The following NEBL variants were observed in gnomAD, a reference collection of about 807,000 sequenced individuals.
The protein encoded by NEBL is nebulette.
Under a neutral mutation model 140.2 loss-of-function variants are expected in NEBL, and 122 were observed. That is an observed-to-expected ratio of 0.87 (90% CI 0.75 to 1.01). NEBL has a LOEUF of 1.01. Among genes scored for constraint, NEBL ranks in the 50% least tolerant of loss-of-function variants. The pLI, the probability that NEBL is intolerant of heterozygous loss-of-function variation, is 0.00. For synonymous variants in NEBL, 436 were observed against 398.9 expected (o/e 1.09, Z -1.11); for missense variants, 1,365 against 1,231.3 (o/e 1.11, Z -1.62).
At chr10:21,183,932 C>A (rs1457571101) in intron 3 of NEBL, among the ~76,000 whole-genome samples, 4 of 152,124 alleles carry the variant, frequency 2.6e-5, no homozygotes, top group Non-Finnish European at 5.9e-5. Context: ...AGTTTCTTTG[C>A]ACAAGCTCTC....
chr10:20,946,468 T>G (rs1835165954), intron 4 of NEBL, among the ~76,000 whole-genome samples: 1 of 152,086 alleles, frequency 6.6e-6, no homozygotes, highest in Admixed American at 6.6e-5. Context: ...TTTTTGTTTG[T>G]TTGTTGGTTT....
rs534522980 is a variant in NEBL at position 21,121,028 on chromosome 10, G to C, written c.164+51355C>G. Among the ~76,000 whole-genome samples the C allele has an allele frequency of 2.0e-5, 3 of 152,258 alleles. No individual in the cohort carries two copies. The South Asian group carries it at 6.2e-4, about 32-fold the overall frequency. On this transcript the variant is annotated intron_variant, in intron 2 of 6. Coordinates refer to the NEBL transcript ENST00000417816. Reference sequence around the variant, plus strand: ...TCTGACTTCCTCCCTGGAGTAGAGAGGAGGCATCTGAAAACATCACACTGG... The same window carrying C: ...TCTGACTTCCTCCCTGGAGTAGAGACGAGGCATCTGAAAACATCACACTGG...
chr10:21,005,504 A>AC (rs1838100243), intron 3 of NEBL, among the ~76,000 whole-genome samples: 1 of 144,910 alleles, frequency 6.9e-6, no homozygotes, highest in African/African-American at 2.7e-5. Context: ...CAAGGTCAAG[A>AC]TGGGGGGATC....
intron 3 of NEBL, among the ~76,000 whole-genome samples, chr10:21,017,271 T>G (rs1348311193): frequency 1.3e-5 from 2 of 152,184 alleles, no homozygotes; most frequent in African/African-American, 4.8e-5. Flanking sequence ...ACAGCAACAC[T>G]GTTGATGATG....
At chr10:21,261,155 G>C (rs1040700844) in intron 1 of NEBL, among the ~76,000 whole-genome samples, 5 of 152,132 alleles carry the variant, frequency 3.3e-5, no homozygotes, top group Non-Finnish European at 5.9e-5. Context: ...ACACACCCCA[G>C]GGAAATGGTG....
intron 2 of NEBL, among the ~76,000 whole-genome samples, chr10:21,097,525 G>A (rs954186406): frequency 6.6e-6 from 1 of 152,136 alleles, no homozygotes; most frequent in Admixed American, 6.6e-5. Context: ...TATAGCAATA[G>A]GCTGACCTCC....
intron 2 of NEBL, among the ~76,000 whole-genome samples, chr10:21,035,772 C>A (rs1220293718): frequency 6.6e-6 from 1 of 152,096 alleles, no homozygotes; most frequent in African/African-American, 2.4e-5. Flanking sequence ...AATGGCAAAC[C>A]TCCCACCCAA....
chr10:20,912,859 T>C (rs1485956590), intron 4 of NEBL, among the ~76,000 whole-genome samples: 1 of 150,690 alleles, frequency 6.6e-6, no homozygotes, highest in Admixed American at 6.6e-5. Flanking sequence ...TTGTTCCTCA[T>C]GGGGGCCATA....
intron 1 of NEBL, among the ~76,000 whole-genome samples, chr10:21,270,510 G>T (rs781501773): frequency 1.3e-5 from 2 of 152,014 alleles, no homozygotes; most frequent in Non-Finnish European, 1.5e-5. Flanking sequence ...GGGATTACAG[G>T]TGTGCGCCAC....
intron 2 of NEBL, among the ~76,000 whole-genome samples, chr10:21,103,354 C>A (rs961396931): frequency 6.6e-6 from 1 of 152,038 alleles, no homozygotes; most frequent in African/African-American, 2.4e-5. Context: ...GCTGGAACTA[C>A]AGGCACCCGC....
intron 3 of NEBL, among the ~76,000 whole-genome samples, chr10:20,980,236 A>G (rs1317441755): frequency 6.6e-6 from 1 of 152,144 alleles, no homozygotes; most frequent in Non-Finnish European, 1.5e-5. Flanking sequence ...AAATGTCATC[A>G]GTGAATGGGC....
At chr10:20,902,296 C>T (rs1847907245), upstream of NEBL, among the ~76,000 whole-genome samples, 1 of 151,932 alleles carries the variant, frequency 6.6e-6, no homozygotes, top group African/African-American at 2.4e-5. Flanking sequence ...GTCCCAGCTA[C>T]TCGGGAGGCT....
chr10:21,091,908 C>T lies in NEBL; in HGVS notation c.165-71707G>A, dbSNP rs548092066. ...CAGCCTCTCAAAATGCTGGGATTACCGGCAAGAGCCACCACGCCCACCTTG... is the reference window on the plus strand; with the variant it reads ...CAGCCTCTCAAAATGCTGGGATTACTGGCAAGAGCCACCACGCCCACCTTG... On this transcript the variant is annotated intron_variant, in intron 2 of 6. Coordinates refer to the NEBL transcript ENST00000417816. Among the ~76,000 whole-genome samples, 73 of 152,298 alleles carry T rather than the reference C, an allele frequency of 4.8e-4. No individual in the cohort carries two copies. In the Middle Eastern group the frequency reaches 0.01, roughly 21 times the overall value.
intron 2 of NEBL, among the ~76,000 whole-genome samples, chr10:21,098,773 C>T (rs929843802): frequency 1.3e-5 from 2 of 152,206 alleles, no homozygotes; most frequent in African/African-American, 4.8e-5. Flanking sequence ...AGCTTTCCCC[C>T]ATGGCCTCTC....
intron 3 of NEBL, among the ~76,000 whole-genome samples, chr10:21,214,709 T>G (rs1564543866): frequency 6.6e-6 from 1 of 152,200 alleles, no homozygotes; most frequent in Non-Finnish European, 1.5e-5. Context: ...TTTTAACTGC[T>G]AATTCATGGT....
At chr10:21,162,037 G>A (rs1840579501) in intron 2 of NEBL, among the ~76,000 whole-genome samples, 1 of 152,188 alleles carries the variant, frequency 6.6e-6, no homozygotes, top group African/African-American at 2.4e-5. Context: ...AAGAGAGGGG[G>A]CTGGAGATTG....
At chr10:20,903,608 A>G (rs954694346) in intron 4 of NEBL, among the ~76,000 whole-genome samples, 2 of 152,208 alleles carry the variant, frequency 1.3e-5, no homozygotes, top group Non-Finnish European at 2.9e-5. Context: ...AAGGATACGG[A>G]ACCAGACTCA....
chr10:20,967,401 G>C (rs1221383768), intron 3 of NEBL, among the ~76,000 whole-genome samples: 1 of 152,226 alleles, frequency 6.6e-6, no homozygotes, highest in Non-Finnish European at 1.5e-5. Context: ...GCCGGGGCAG[G>C]TGGATCACTT....
In NEBL at chr10:20,826,452, T is replaced by G. The variant is rs142157051; in HGVS notation, c.1864A>C (p.Ser622Arg). Residue 622 changes from serine to arginine, a missense_variant, in exon 18 of 28, where the codon AGT (serine) becomes CGT (arginine). Physicochemically the swap from Ser to Arg is moderately radical, Grantham distance 110. This residue lies in a region of NEBL where 1,323 missense variants were observed against 1,154.8 expected (regional missense o/e 1.15). Coordinates refer to ENST00000377122, the MANE Select transcript of NEBL (RefSeq NM_006393.3). ...TAATGCTGTAGAGAACTTACTGAAC[T>G]AATATTCTGCTGATTTTTCTTCACT... is the stretch of plus-strand genomic sequence containing the variant. Reference protein sequence around the residue: ...ERVKKNQQNISSVKYKEEIKH... With the variant: ...ERVKKNQQNIRSVKYKEEIKH... The G allele has an allele frequency of 1.4e-5, 23 of 1,608,188 alleles. No individual in the cohort carries two copies. The African/African-American group carries it at 2.5e-4, about 18-fold the overall frequency.
Sources: allele counts gnomAD v4.1 joint callset (sites outside exome capture counted in the v4.1 genomes callset), GRCh38; gene constraint gnomAD v4.1.1; regional missense constraint gnomAD v4.1.1; transcripts MANE v1.5; gene names NCBI Gene and HGNC (gene_info 2026-07-23, HGNC 2026-07-21).